Variants in NUF2 observed in about 807,000 individuals in gnomAD.
NUF2 encodes the protein kinetochore protein Nuf2.
In NUF2, 34 loss-of-function variants were observed where a neutral mutation model predicts 61.8. The observed-to-expected ratio is 0.55, with a 90% CI of 0.42 to 0.73. The LOEUF is 0.73. Among genes scored for constraint, NUF2 ranks in the 30% least tolerant of loss-of-function variants. The probability of loss-of-function intolerance (pLI) is 0.00; values close to 1 mark genes in which losing one functional copy is unlikely to be tolerated. For synonymous variants in NUF2, 172 were observed against 181.6 expected (o/e 0.95, Z 0.42); for missense variants, 445 against 539.1 (o/e 0.83, Z 1.73).
At chr1:163,325,949 C>A in intron 1 of NUF2, 83 bp from the exon 2 acceptor site, 1 of 1,062,714 alleles carries the variant, frequency 9.4e-7, no homozygotes, top group Non-Finnish European at 1.4e-6. Flanking sequence ...AACTTTGGCT[C>A]ATTTTGTCAT....
At chr1:163,348,435 A>G (rs1014381287) in intron 12 of NUF2, among the ~76,000 whole-genome samples, 17 of 152,154 alleles carry the variant, frequency 1.1e-4, no homozygotes, top group African/African-American at 4.1e-4. Context: ...GTGTTTTTAA[A>G]ATACCTGCCC....
At chr1:163,350,595 A>G (rs987297969) in intron 13 of NUF2, among the ~76,000 whole-genome samples, 2 of 152,324 alleles carry the variant, frequency 1.3e-5, no homozygotes, top group Non-Finnish European at 2.9e-5. Flanking sequence ...ATCATGTCAA[A>G]CCATGCCTAG....
At chr1:163,340,760 C>A (rs976403901) in intron 9 of NUF2, among the ~76,000 whole-genome samples, 1 of 152,070 alleles carries the variant, frequency 6.6e-6, no homozygotes. Context: ...CTCCACTTAG[C>A]GATATAATAC....
chr1:163,330,996 AT>A (rs1483168255), intron 5 of NUF2, among the ~76,000 whole-genome samples: 2 of 145,200 alleles, frequency 1.4e-5, no homozygotes, highest in African/African-American at 5.1e-5. Flanking sequence ...TGAGGACAAA[AT>A]TTTTTTCTAA....
intron 1 of NUF2, chr1:163,322,805 A>G (rs1197279465): frequency 6.6e-6 from 1 of 152,178 alleles, no homozygotes; most frequent in Admixed American, 6.5e-5. Flanking sequence ...AATCTTTGCT[A>G]CTCGTTAGAC....
At chr1:163,325,432 A>G (rs1050367579) in intron 1 of NUF2, among the ~76,000 whole-genome samples, 6 of 152,210 alleles carry the variant, frequency 3.9e-5, no homozygotes, top group Admixed American at 2.6e-4. Flanking sequence ...TGAAGACATT[A>G]GGAGAAATGG....
chr1:163,349,912 T>G (rs1438143560), intron 13 of NUF2, among the ~76,000 whole-genome samples: 5 of 150,576 alleles, frequency 3.3e-5, no homozygotes, highest in African/African-American at 9.7e-5. Flanking sequence ...TGTTTTTTGT[T>G]TTTTTTTTTC....
intron 5 of NUF2, among the ~76,000 whole-genome samples, chr1:163,331,645 G>T (rs1240479683): frequency 6.6e-6 from 1 of 151,914 alleles, no homozygotes; most frequent in Admixed American, 6.6e-5. Flanking sequence ...TTTTCTCTCT[G>T]GGATAAATTA....
chr1:163,329,635 G>T (rs1374675783), intron 5 of NUF2, among the ~76,000 whole-genome samples: 1 of 152,164 alleles, frequency 6.6e-6, no homozygotes, highest in African/African-American at 2.4e-5. Context: ...TAAGTGACCA[G>T]ATCTTGTGAG....
chr1:163,349,796 G>A (rs1168100640), intron 13 of NUF2, among the ~76,000 whole-genome samples: 16 of 152,122 alleles, frequency 1.1e-4, no homozygotes, highest in Admixed American at 1.0e-3. Context: ...GGAAGGAAAG[G>A]AAAGGTAGTG....
intron 7 of NUF2, among the ~76,000 whole-genome samples, chr1:163,338,304 TTTG>T (rs200822775): frequency 0.019 from 2,829 of 151,686 alleles, 46 homozygotes; most frequent in Non-Finnish European, 0.028. Context: ...TCCTTTGGCT[TTTG>T]TTGTTGTTGT....
Position 163,349,094 on chromosome 1 carries a change from C to A in NUF2, c.1260+14C>A. ...CTGAAGTCCCAGGTGAATATGTGTT[C>A]ATAAGAAGTTAATTTCAAATAATCT... On this transcript the variant is annotated intron_variant, in intron 13 of 13. Coordinates refer to ENST00000271452, the MANE Select transcript of NUF2 (RefSeq NM_145697.3). The A allele has an allele frequency of 1.3e-6, 2 of 1,582,740 alleles. No individual in the cohort carries two copies. The highest frequency in any genetic ancestry group is 2.4e-5 in the South Asian group (2 of 85,002).
chr1:163,331,944 T>G (rs1013099776), intron 5 of NUF2, among the ~76,000 whole-genome samples: 4 of 152,028 alleles, frequency 2.6e-5, no homozygotes, highest in Non-Finnish European at 4.4e-5. Context: ...AATTGACTTT[T>G]CTGTATTTCT....
intron 13 of NUF2, among the ~76,000 whole-genome samples, chr1:163,354,092 G>T (rs76137146): frequency 0.04 from 6,076 of 152,216 alleles, 148 homozygotes; most frequent in South Asian, 0.085. Context: ...TATAGCTGCT[G>T]AATGTGCTGT....
rs150640328 is a variant in NUF2 at position 163,325,783 on chromosome 1, T to C, written c.-20-249T>C. On this transcript the variant is annotated intron_variant, in intron 1 of 13. Transcript: ENST00000271452. Reference sequence around the variant, plus strand: ...CAACCAAAGTCCTCCTTCCCAAATGTGTTGTTCTCTTCCTACAAAAGAGAA... The same window carrying C: ...CAACCAAAGTCCTCCTTCCCAAATGCGTTGTTCTCTTCCTACAAAAGAGAA... 3.2e-3 allele frequency among the ~76,000 whole-genome samples: 490 copies of C among 152,276 alleles called. 2 individuals are homozygous for C. Among genetic ancestry groups the C allele is most frequent in the African/African-American group, 0.011 (476 of 41,552 alleles).
rs1651112733 is a variant in NUF2, at chr1:163,346,020, G to C, written c.948+202G>C. 3 of 399,926 alleles carry C rather than the reference G, an allele frequency of 7.5e-6. No homozygotes were observed. In the South Asian group the frequency reaches 1.4e-4, roughly 19 times the overall value. The allele number at this position is 399,926 out of a possible 1,614,324, so 24.8% of individuals were successfully genotyped here. ...AGCAAGACCCAATTTTTAACCTTCT[G>C]ATGAAATTAATAATAACTAACCCAT... On this transcript the variant is annotated intron_variant, in intron 11 of 13. Coordinates refer to ENST00000271452, the MANE Select transcript of NUF2 (RefSeq NM_145697.3).
intron 13 of NUF2, among the ~76,000 whole-genome samples, chr1:163,352,641 C>T (rs578040087): frequency 4.6e-5 from 7 of 152,216 alleles, no homozygotes; most frequent in East Asian, 1.9e-4. Context: ...CCGAGGCAGG[C>T]GGATCACGAG....
At chr1:163,345,164 G>A (rs1651081009) in intron 10 of NUF2, among the ~76,000 whole-genome samples, 1 of 152,022 alleles carries the variant, frequency 6.6e-6, no homozygotes. Context: ...AAAAAAATAA[G>A]GTAGAACAAG....
chr1:163,326,981 C>T (rs1650438483), intron 2 of NUF2, among the ~76,000 whole-genome samples: 1 of 152,056 alleles, frequency 6.6e-6, no homozygotes, highest in Non-Finnish European at 1.5e-5. Flanking sequence ...TTAGAAGATC[C>T]GGTTTTTAAA....
Sources: allele counts gnomAD v4.1 joint callset (sites outside exome capture counted in the v4.1 genomes callset), GRCh38; gene constraint gnomAD v4.1.1; transcripts MANE v1.5; gene names NCBI Gene and HGNC (gene_info 2026-07-23, HGNC 2026-07-21).